Variants in N4BP2L2 observed in about 807,000 individuals in gnomAD.
N4BP2L2 encodes NEDD4 binding protein 2 like 2.
N4BP2L2 carries 50 observed loss-of-function variants against 56.2 expected under a neutral mutation model. The observed-to-expected ratio is 0.89, with a 90% CI of 0.71 to 1.13. The LOEUF is 1.13. Among genes scored for constraint, N4BP2L2 ranks in the 50% most tolerant of loss-of-function variants. N4BP2L2 has a pLI of 0.00. For missense variants in N4BP2L2, 689 were observed against 693.8 expected, an observed-to-expected ratio of 0.99 and a Z score of 0.08; for synonymous variants, 203 against 223.6, an observed-to-expected ratio of 0.91 and a Z score of 0.82.
At chr13:32,442,627 G>C in exon 7 of N4BP2L2, 2 of 1,613,796 alleles carry the variant, frequency 1.2e-6, no homozygotes, top group Non-Finnish European at 1.7e-6. Flanking sequence ...AATTTCTGGA[G>C]AAATAAACCC....
At chr13:32,502,276 G>A (rs112420560) in intron 6 of N4BP2L2, among the ~76,000 whole-genome samples, 2 of 151,574 alleles carry the variant, frequency 1.3e-5, no homozygotes, top group Admixed American at 6.6e-5. Context: ...GGGGTTTCAC[G>A]ATGTTGGCCA....
At chr13:32,522,396 A>G (rs924705231) in intron 3 of N4BP2L2, 126 bp from the exon 4 acceptor site, 1 of 512,182 alleles carries the variant, frequency 2.0e-6, no homozygotes, top group Admixed American at 4.1e-5. Flanking sequence ...CAATCTCTTC[A>G]GTCAGTATCA....
At chr13:32,486,603 G>A (rs2085916599) in intron 6 of N4BP2L2, among the ~76,000 whole-genome samples, 1 of 152,040 alleles carries the variant, frequency 6.6e-6, no homozygotes, top group African/African-American at 2.4e-5. Context: ...TTGAACCCGG[G>A]AGGCAAAAGT....
At chr13:32,487,757 G>C (rs546955399) in intron 6 of N4BP2L2, among the ~76,000 whole-genome samples, 1 of 152,222 alleles carries the variant, frequency 6.6e-6, no homozygotes, top group South Asian at 2.1e-4. Flanking sequence ...CAGGCATATA[G>C]GAAATATGAA....
At chr13:32,458,962 A>G (rs2079499183) in intron 6 of N4BP2L2, among the ~76,000 whole-genome samples, 1 of 152,226 alleles carries the variant, frequency 6.6e-6, no homozygotes, top group Non-Finnish European at 1.5e-5. Context: ...ACAATGGAAT[A>G]AAATTAGAAG....
At chr13:32,464,044 A>G (rs1323236769) in intron 6 of N4BP2L2, among the ~76,000 whole-genome samples, 2 of 152,166 alleles carry the variant, frequency 1.3e-5, no homozygotes, top group Admixed American at 1.3e-4. Context: ...CTAACAGCAA[A>G]GGAAACTACA....
At chr13:32,518,733 G>A (rs1003923853) in intron 5 of N4BP2L2, among the ~76,000 whole-genome samples, 1 of 152,168 alleles carries the variant, frequency 6.6e-6, no homozygotes, top group Admixed American at 6.5e-5. Flanking sequence ...ACTGGGAAGA[G>A]GAATGCAAAG....
chr13:32,471,552 G>A (rs1027339977), intron 6 of N4BP2L2, among the ~76,000 whole-genome samples: 11 of 152,258 alleles, frequency 7.2e-5, no homozygotes, highest in Admixed American at 1.3e-4. Context: ...CCATCTTGTA[G>A]GCGGACAAGG....
At chr13:32,505,517 T>TA (rs1455356543), downstream of N4BP2L2, 12 of 152,332 alleles carry the variant, frequency 7.9e-5, no homozygotes, top group Non-Finnish European at 1.6e-4. Flanking sequence ...CCTTCTTAAA[T>TA]TTCTCTCTCT....
At chr13:32,478,092 T>A in intron 6 of N4BP2L2, 4 of 1,273,132 alleles carry the variant, frequency 3.1e-6, no homozygotes, top group Non-Finnish European at 4.1e-6. Context: ...GCTTATACAC[T>A]GGAATGAAGA....
rs114063635 is a variant in N4BP2L2 at position 32,534,761 on chromosome 13, T to C, written c.1259+1008A>G. Among the ~76,000 whole-genome samples the C allele has an allele frequency of 5.5e-3, 835 of 152,346 alleles. 6 individuals are homozygous for C. Among genetic ancestry groups the C allele is most frequent in the African/African-American group, 0.019 (807 of 41,584 alleles). Reference sequence around the variant, plus strand: ...TAATATAAAACATTTGCAAAATGGTTTCTTGGACCTCTCCATCCTCACCCA... The same window carrying C: ...TAATATAAAACATTTGCAAAATGGTCTCTTGGACCTCTCCATCCTCACCCA... On this transcript the variant is annotated intron_variant, in intron 2 of 5. Transcript: ENST00000267068.
exon 7 of N4BP2L2, chr13:32,443,672 C>T: frequency 6.2e-7 from 1 of 1,609,820 alleles, no homozygotes. Context: ...CCAGAGCAGT[C>T]ATCAGTTGTT....
exon 6 of N4BP2L2, chr13:32,514,196 A>C (rs1235780488): frequency 6.6e-6 from 1 of 152,180 alleles, no homozygotes; most frequent in East Asian, 1.9e-4. Flanking sequence ...AGCTAACATT[A>C]TCTTTTACAA....
intron 6 of N4BP2L2, among the ~76,000 whole-genome samples, chr13:32,466,693 A>G (rs2081301334): frequency 6.6e-6 from 1 of 152,214 alleles, no homozygotes; most frequent in Non-Finnish European, 1.5e-5. Flanking sequence ...AACTCAAGAT[A>G]GTGACTTCCT....
intron 6 of N4BP2L2, chr13:32,480,558 C>G: frequency 5.2e-6 from 6 of 1,150,130 alleles, no homozygotes; most frequent in Non-Finnish European, 6.9e-6. Flanking sequence ...ACGCTAGATC[C>G]ATTATATCAT....
chr13:32,441,342 A>C (rs998976305), intron 7 of N4BP2L2, among the ~76,000 whole-genome samples: 3 of 152,176 alleles, frequency 2.0e-5, no homozygotes, highest in Non-Finnish European at 2.9e-5. Context: ...TATAATAGTG[A>C]ATGAGAAAGG....
chr13:32,463,249 T>A (rs192134443), intron 6 of N4BP2L2, among the ~76,000 whole-genome samples: 12 of 152,238 alleles, frequency 7.9e-5, no homozygotes, highest in Admixed American at 2.0e-4. Context: ...GGGCAACTGA[T>A]ATTATGCAGT....
At chr13:32,530,291 T>A (rs1048268059) in intron 2 of N4BP2L2, among the ~76,000 whole-genome samples, 1 of 152,212 alleles carries the variant, frequency 6.6e-6, no homozygotes. Context: ...ATTTTTCAAA[T>A]TCCGTGAATT....
At chr13:32,471,318 T>C (rs2082247361) in intron 6 of N4BP2L2, among the ~76,000 whole-genome samples, 1 of 152,096 alleles carries the variant, frequency 6.6e-6, no homozygotes, top group African/African-American at 2.4e-5. Context: ...GGTATATGGA[T>C]GTGCTCTGGT....
Sources: gnomAD v4.1 joint callset for allele counts (sites outside exome capture counted in the v4.1 genomes callset) on GRCh38, gnomAD v4.1.1 for gene constraint, MANE v1.5 for transcripts, NCBI Gene and HGNC (gene_info 2026-07-23, HGNC 2026-07-21) for gene names.